RAB39A: variants seen among roughly 807,000 people sequenced by gnomAD.
RAB39A encodes the protein RAB39A, member RAS oncogene family, also known as ras-related protein Rab-39A.
Under a neutral mutation model 20.9 loss-of-function variants are expected in RAB39A, and 17 were observed. The ratio of observed to expected loss-of-function variants is 0.81; its 90% CI spans 0.56 to 1.22. The LOEUF is 1.22. Among genes scored for constraint, RAB39A ranks in the 50% most tolerant of loss-of-function variants. The probability of loss-of-function intolerance (pLI) is 0.00; values close to 1 mark genes in which losing one functional copy is unlikely to be tolerated. For missense variants in RAB39A, 234 were observed against 270.5 expected, an observed-to-expected ratio of 0.87 and a Z score of 0.95; for synonymous variants, 99 against 103.4, an observed-to-expected ratio of 0.96 and a Z score of 0.26.
At chr11:107,946,618 G>C (rs566392167) in intron 1 of RAB39A, among the ~76,000 whole-genome samples, 3 of 149,288 alleles carry the variant, frequency 2.0e-5, no homozygotes, top group African/African-American at 7.4e-5. Flanking sequence ...GACTACAGGC[G>C]CCCGCCACCA....
rs980869754 is a variant in RAB39A at position 107,963,081 on chromosome 11, T to G, written c.*709T>G. ...ATGTTTGAAATGTTGCTTTTTTTTTTTGAGACAGGGTCTTGTTTTGTCACC... is the reference window on the plus strand; with the variant it reads ...ATGTTTGAAATGTTGCTTTTTTTTTGTGAGACAGGGTCTTGTTTTGTCACC... On this transcript the variant is annotated 3_prime_UTR_variant, in exon 2 of 2. Coordinates refer to ENST00000320578, the MANE Select transcript of RAB39A (RefSeq NM_017516.3). 81 of 152,240 alleles carry G rather than the reference T, an allele frequency of 5.3e-4. No homozygotes were observed. Among genetic ancestry groups the G allele is most frequent in the African/African-American group, 1.9e-3 (79 of 41,546 alleles). 9.4% of individuals were successfully genotyped at this position (152,240 alleles called of 1,614,324 possible).
intron 1 of RAB39A, among the ~76,000 whole-genome samples, chr11:107,946,608 G>A (rs1350443888): frequency 1.3e-5 from 2 of 148,974 alleles, no homozygotes; most frequent in East Asian, 4.0e-4. Flanking sequence ...AAGTAGCTGG[G>A]ACTACAGGCG....
chr11:107,938,627 T>G (rs1006955507), intron 1 of RAB39A, among the ~76,000 whole-genome samples: 2 of 149,970 alleles, frequency 1.3e-5, no homozygotes, highest in Non-Finnish European at 3.0e-5. Flanking sequence ...TCCCAGCTAC[T>G]TGGGAGACTG....
At position 107,928,701 on chromosome 11, in the gene RAB39A, GTCGGCGTGGACT is replaced by G; in HGVS notation, c.136_147del (p.Gly46_Phe49del). 2 of 1,611,360 alleles carry G rather than the reference GTCGGCGTGGACT, an allele frequency of 1.2e-6. No homozygotes were observed. Among genetic ancestry groups the G allele is most frequent in the Non-Finnish European group, 1.7e-6 (2 of 1,178,666 alleles). On this transcript the variant is annotated inframe_deletion, in exon 1 of 2. Transcript: ENST00000320578. This position sits in a 1 kb window ranked among gnomAD's most constrained non-coding sequence, Gnocchi z 4.9. ...GCGCTCCCCCGCCTGCGACCCCACC[GTCGGCGTGGACT>G]TCTTCTCCCGCCTGCTGGAGATCGA...
intron 1 of RAB39A, among the ~76,000 whole-genome samples, chr11:107,949,102 C>T (rs1861347401): frequency 1.3e-5 from 2 of 152,100 alleles, no homozygotes; most frequent in Non-Finnish European, 2.9e-5. Flanking sequence ...AGGCCAATTG[C>T]TTGAGCCCAG....
At chr11:107,942,708 G>A (rs760467068) in intron 1 of RAB39A, among the ~76,000 whole-genome samples, 1 of 151,800 alleles carries the variant, frequency 6.6e-6, no homozygotes, top group South Asian at 2.1e-4. Flanking sequence ...CAAGAACCTA[G>A]TTCTCTGAAC....
intron 1 of RAB39A, among the ~76,000 whole-genome samples, chr11:107,956,656 C>T (rs957541465): frequency 3.3e-5 from 5 of 152,158 alleles, no homozygotes; most frequent in African/African-American, 1.2e-4. Flanking sequence ...AAGAGTTTCT[C>T]CTGTTATTAG....
chr11:107,943,366 T>C (rs1861278737), intron 1 of RAB39A, among the ~76,000 whole-genome samples: 1 of 151,814 alleles, frequency 6.6e-6, no homozygotes. Context: ...GGTCAGGAGA[T>C]TGAGACCATC....
intron 1 of RAB39A, 29 bp from the exon 2 acceptor site, chr11:107,961,917 A>G (rs1411365296): frequency 1.3e-6 from 2 of 1,552,944 alleles, no homozygotes; most frequent in Admixed American, 3.6e-5. Context: ...AGTTGTCCTT[A>G]TACAACCTTT....
intron 1 of RAB39A, among the ~76,000 whole-genome samples, chr11:107,951,546 A>C (rs1248526762): frequency 6.6e-6 from 1 of 151,610 alleles, no homozygotes; most frequent in Non-Finnish European, 1.5e-5. Context: ...CTTTTTTAAG[A>C]GGCCTGTGCG....
chr11:107,958,546 A>G (rs1861461619), intron 1 of RAB39A, among the ~76,000 whole-genome samples: 1 of 152,240 alleles, frequency 6.6e-6, no homozygotes, highest in Admixed American at 6.5e-5. Flanking sequence ...CACTACCTGC[A>G]GGACAACTAT....
At chr11:107,951,780 C>G (rs984296114) in intron 1 of RAB39A, among the ~76,000 whole-genome samples, 1 of 151,976 alleles carries the variant, frequency 6.6e-6, no homozygotes, top group East Asian at 1.9e-4. Flanking sequence ...CCACTGTGTC[C>G]GGCATCTACT....
chr11:107,954,703 A>C (rs1012066724), intron 1 of RAB39A, among the ~76,000 whole-genome samples: 13 of 152,184 alleles, frequency 8.5e-5, no homozygotes, highest in Non-Finnish European at 2.9e-5. Context: ...AATCCAGATA[A>C]GGCCATGAGT....
At chr11:107,950,753 G>A (rs113937835) in intron 1 of RAB39A, among the ~76,000 whole-genome samples, 53 of 122,702 alleles carry the variant, frequency 4.3e-4, no homozygotes, top group African/African-American at 1.4e-3. Context: ...GCGACAGAGC[G>A]AGACCCTGTC....
intron 1 of RAB39A, among the ~76,000 whole-genome samples, chr11:107,958,974 G>A (rs762954018): frequency 1.3e-5 from 2 of 151,966 alleles, no homozygotes; most frequent in Admixed American, 6.6e-5. Flanking sequence ...TAAAAAATTA[G>A]CTGGGCATGG....
chr11:107,933,375 T>TTA (rs1861159260), intron 1 of RAB39A, among the ~76,000 whole-genome samples: 1 of 86,996 alleles, frequency 1.1e-5, no homozygotes, highest in Admixed American at 1.7e-4. Flanking sequence ...TTTTTATTCT[T>TTA]TCTTTTTTTT....
intron 1 of RAB39A, among the ~76,000 whole-genome samples, chr11:107,930,764 G>A (rs1451524186): frequency 6.6e-6 from 1 of 151,886 alleles, no homozygotes; most frequent in African/African-American, 2.4e-5. Flanking sequence ...GCTGAGGCAG[G>A]AGAATCGCTT....
intron 1 of RAB39A, among the ~76,000 whole-genome samples, chr11:107,944,796 C>T (rs1261174210): frequency 1.3e-5 from 2 of 152,292 alleles, no homozygotes; most frequent in Middle Eastern, 3.4e-3. Flanking sequence ...TGACCAGTTT[C>T]AGGGGATGTA....
intron 1 of RAB39A, among the ~76,000 whole-genome samples, chr11:107,940,192 A>C (rs1861244844): frequency 6.6e-6 from 1 of 152,110 alleles, no homozygotes; most frequent in African/African-American, 2.4e-5. Flanking sequence ...CTTAAGTGAT[A>C]CTGAGGTACA....
Sources: allele counts gnomAD v4.1 joint callset (sites outside exome capture counted in the v4.1 genomes callset), GRCh38; gene constraint gnomAD v4.1.1; non-coding constraint Gnocchi (gnomAD v3.1); transcripts MANE v1.5; gene names NCBI Gene and HGNC (gene_info 2026-07-23, HGNC 2026-07-21).